Variants in CEP112 observed in about 807,000 individuals in gnomAD.
CEP112 encodes the protein centrosomal protein 112, also known as centrosomal protein of 112 kDa.
Under a neutral mutation model 153.0 loss-of-function variants are expected in CEP112, and 127 were observed. The observed-to-expected ratio is 0.83, with a 90% CI of 0.72 to 0.96. The LOEUF (loss-of-function observed/expected upper bound fraction) is 0.96, where lower values mean the gene tolerates loss of function less well. CEP112 is among the 40% of genes least tolerant of loss of function. The probability of loss-of-function intolerance (pLI) is 0.00; values close to 1 mark genes in which losing one functional copy is unlikely to be tolerated. For synonymous variants in CEP112, 358 were observed against 374.4 expected (o/e 0.96, Z 0.51); for missense variants, 1,089 against 1,101.2 (o/e 0.99, Z 0.16).
intron 24 of CEP112, among the ~76,000 whole-genome samples, chr17:65,671,728 G>A (rs530164854): frequency 1.3e-5 from 2 of 152,194 alleles, no homozygotes; most frequent in South Asian, 2.1e-4. Flanking sequence ...TACATTCACT[G>A]CCCTCAGAGG....
At chr17:66,060,523 A>G (rs2066882053) in intron 11 of CEP112, among the ~76,000 whole-genome samples, 1 of 152,182 alleles carries the variant, frequency 6.6e-6, no homozygotes, top group Non-Finnish European at 1.5e-5. Flanking sequence ...ACTTGTAGTA[A>G]CTAAAACAGT....
intron 21 of CEP112, among the ~76,000 whole-genome samples, chr17:65,781,865 T>C (rs2054015311): frequency 6.6e-6 from 1 of 152,128 alleles, no homozygotes; most frequent in Non-Finnish European, 1.5e-5. Context: ...TCAAGATAGA[T>C]TAAAGACTTA....
intron 6 of CEP112, among the ~76,000 whole-genome samples, chr17:66,107,608 A>T (rs982605229): frequency 6.6e-6 from 1 of 152,128 alleles, no homozygotes; most frequent in Non-Finnish European, 1.5e-5. Flanking sequence ...GATCAGTACA[A>T]CAAAAACTAT....
At chr17:65,640,894 GATTT>G in intron 25 of CEP112, 66 bp downstream of exon 25, 3 of 852,542 alleles carry the variant, frequency 3.5e-6, no homozygotes, top group African/African-American at 1.7e-5. Flanking sequence ...TTTGGAATCA[GATTT>G]ATTTGCAAGT....
intron 23 of CEP112, among the ~76,000 whole-genome samples, chr17:65,696,537 G>C (rs992692152): frequency 6.6e-6 from 1 of 152,156 alleles, no homozygotes; most frequent in Admixed American, 6.5e-5. Flanking sequence ...AGGGCCTTGG[G>C]TACAGTCTGT....
chr17:65,932,014 C>T lies in CEP112; in HGVS notation c.1873-4325G>A, dbSNP rs183742842. 9.2e-5 allele frequency among the ~76,000 whole-genome samples: 14 copies of T among 152,284 alleles called. No individual in the cohort carries two copies. In the East Asian group the frequency reaches 2.7e-3, roughly 29 times the overall value. ...GATTTCAAACATGAGTACCACCATG[C>T]CAGGGAACCCAGCCTGCAACCCTGC... On this transcript the variant is annotated intron_variant, in intron 18 of 26. Transcript: ENST00000535342.
chr17:66,079,769 G>C (rs1003086065), intron 8 of CEP112, among the ~76,000 whole-genome samples: 1 of 152,038 alleles, frequency 6.6e-6, no homozygotes. Flanking sequence ...ATGCTACAAG[G>C]CTACATAACC....
At chr17:66,062,333 TG>T (rs2066956198) in intron 11 of CEP112, among the ~76,000 whole-genome samples, 1 of 152,104 alleles carries the variant, frequency 6.6e-6, no homozygotes, top group Admixed American at 6.6e-5. Flanking sequence ...GGTTTTCTAA[TG>T]CACAGTAGAG....
At chr17:65,887,940 A>C (rs2143036483) in intron 20 of CEP112, among the ~76,000 whole-genome samples, 1 of 152,212 alleles carries the variant, frequency 6.6e-6, no homozygotes, top group Non-Finnish European at 1.5e-5. Flanking sequence ...AAGCAGGTAA[A>C]GTTTGCCTTA....
chr17:66,082,007 A>G (rs2067740491), intron 8 of CEP112, among the ~76,000 whole-genome samples: 1 of 152,202 alleles, frequency 6.6e-6, no homozygotes, highest in Non-Finnish European at 1.5e-5. Context: ...ATGGGTGAAA[A>G]GAAAGGTCAA....
intron 21 of CEP112, among the ~76,000 whole-genome samples, chr17:65,754,927 T>G (rs2052148366): frequency 6.6e-6 from 1 of 151,868 alleles, no homozygotes; most frequent in African/African-American, 2.4e-5. Context: ...CTGGAGCCTG[T>G]TGGGGGTTGC....
intron 11 of CEP112, among the ~76,000 whole-genome samples, chr17:66,059,721 A>G (rs989305207): frequency 3.9e-5 from 6 of 152,212 alleles, no homozygotes; most frequent in Non-Finnish European, 8.8e-5. Context: ...TAGTTCAACC[A>G]CTGTGGAATG....
At chr17:65,777,810 T>C (rs1325293466) in intron 21 of CEP112, among the ~76,000 whole-genome samples, 1 of 152,196 alleles carries the variant, frequency 6.6e-6, no homozygotes, top group Non-Finnish European at 1.5e-5. Flanking sequence ...TATTTCAGCA[T>C]ATATTTTCAA....
At chr17:65,745,370 C>G (rs2051384102) in intron 22 of CEP112, among the ~76,000 whole-genome samples, 1 of 152,124 alleles carries the variant, frequency 6.6e-6, no homozygotes, top group African/African-American at 2.4e-5. Context: ...ATTCTGGCAT[C>G]AATTCAATTA....
At chr17:65,712,863 T>G (rs2144735159) in intron 23 of CEP112, among the ~76,000 whole-genome samples, 1 of 152,296 alleles carries the variant, frequency 6.6e-6, no homozygotes, top group Non-Finnish European at 1.5e-5. Context: ...CAGAGAGCTG[T>G]GCTTATCGGC....
rs145087039 is a variant in CEP112, at chr17:65,788,826, C to T, written c.2395-38102G>A. 1.2e-3 allele frequency among the ~76,000 whole-genome samples: 190 copies of T among 152,126 alleles called. 1 individual carries two copies. The highest frequency in any genetic ancestry group is 4.4e-3 in the African/African-American group (183 of 41,492). ...AGTCTTTTCAAAGGATCAAACTTTG[C>T]GTTTGCCGAATTACTGATTTTTAAT... On this transcript the variant is annotated intron_variant, in intron 21 of 26. Transcript: ENST00000535342.
At chr17:65,959,538 G>T (rs948211939) in intron 18 of CEP112, among the ~76,000 whole-genome samples, 1 of 152,240 alleles carries the variant, frequency 6.6e-6, no homozygotes, top group African/African-American at 2.4e-5. Flanking sequence ...GAGAAGGAGA[G>T]AAGAGCTACA....
intron 24 of CEP112, among the ~76,000 whole-genome samples, chr17:65,659,374 T>G (rs952470233): frequency 2.0e-5 from 3 of 152,202 alleles, no homozygotes. Flanking sequence ...ATAAATAATC[T>G]AAACCTCTCC....
chr17:65,654,056 C>CAAAAAAAAAAAAAAAAAA (rs773433478), intron 24 of CEP112, among the ~76,000 whole-genome samples: 7 of 26,880 alleles, frequency 2.6e-4, no homozygotes, highest in African/African-American at 1.1e-3. Flanking sequence ...AAGACTCCAT[C>CAAAAAAAAAAAAAAAAAA]AAAAAAAAAA....
Sources: gnomAD v4.1 joint callset for allele counts (sites outside exome capture counted in the v4.1 genomes callset) on GRCh38, gnomAD v4.1.1 for gene constraint, MANE v1.5 for transcripts, NCBI Gene and HGNC (gene_info 2026-07-23, HGNC 2026-07-21) for gene names.